Variants in BAZ2B observed in about 807,000 individuals in gnomAD.
BAZ2B encodes the protein bromodomain adjacent to zinc finger domain protein 2B.
BAZ2B carries 91 observed loss-of-function variants against 246.0 expected under a neutral mutation model. The ratio of observed to expected loss-of-function variants is 0.37; its 90% CI spans 0.31 to 0.44. BAZ2B has a LOEUF of 0.44. Ranked by LOEUF, BAZ2B falls within the 20% of genes least tolerant of loss-of-function variation. The pLI, the probability that BAZ2B is intolerant of heterozygous loss-of-function variation, is 1.00. For synonymous variants in BAZ2B, 855 were observed against 860.0 expected (o/e 0.99, Z 0.10); for missense variants, 2,332 against 2,533.7 (o/e 0.92, Z 1.71).
chr2:159,361,814 A>T (rs1485646477), intron 27 of BAZ2B, among the ~76,000 whole-genome samples: 2 of 152,178 alleles, frequency 1.3e-5, no homozygotes, highest in Non-Finnish European at 2.9e-5. Flanking sequence ...AGGGACATGG[A>T]TGAAGCTGGA....
chr2:159,645,393 A>C, the BAZ2B span, among the ~76,000 whole-genome samples: 1 of 152,114 alleles, frequency 6.6e-6, no homozygotes, highest in Non-Finnish European at 1.5e-5. Context: ...TTTCCCACAG[A>C]TGGAGCAAGG....
At chr2:159,609,670 T>G (rs1010334510) in intron 1 of BAZ2B, among the ~76,000 whole-genome samples, 3 of 152,154 alleles carry the variant, frequency 2.0e-5, no homozygotes, top group African/African-American at 7.2e-5. Flanking sequence ...CTTGTTTCCT[T>G]CAAAGCTTCT....
At chr2:159,415,021 G>A (rs958932466) in intron 13 of BAZ2B, among the ~76,000 whole-genome samples, 1 of 152,092 alleles carries the variant, frequency 6.6e-6, no homozygotes, top group Non-Finnish European at 1.5e-5. Flanking sequence ...ATGTAAAACA[G>A]TATTGGTCAA....
intron 1 of BAZ2B, among the ~76,000 whole-genome samples, chr2:159,603,688 C>T (rs1402681005): frequency 6.6e-6 from 1 of 151,714 alleles, no homozygotes; most frequent in Admixed American, 6.6e-5. Context: ...AAAAACAAAA[C>T]CCCAAAACTA....
intron 13 of BAZ2B, among the ~76,000 whole-genome samples, chr2:159,420,967 T>C (rs2068641098): frequency 6.6e-6 from 1 of 152,190 alleles, no homozygotes; most frequent in African/African-American, 2.4e-5. Context: ...TAGGCTTATA[T>C]AGAGTATTAC....
rs2076520176 is a variant in BAZ2B at position 159,462,435 on chromosome 2, T to C, written c.146-8634A>G. On this transcript the variant is annotated intron_variant, in intron 3 of 36. Coordinates refer to ENST00000392783, the MANE Select transcript of BAZ2B (RefSeq NM_013450.4). ...CTTTGCTAATGTTGTAGCTGAGTAA[T>C]CTTGTTCCAGTCAATTTTGGTGCGG... The C allele has an allele frequency of 4.1e-6, 5 of 1,229,034 alleles. No homozygotes were observed. The Admixed American group carries it at 8.4e-5, about 21-fold the overall frequency. The allele number at this position is 1,229,034 out of a possible 1,614,324, so 76.1% of individuals were successfully genotyped here.
chr2:159,446,965 C>A lies in BAZ2B; in HGVS notation c.513G>T (p.Gly171=). The change falls in exon 6 of 37, where the codon GGG becomes GGT. Residue 171 remains glycine, a synonymous_variant. Coordinates refer to ENST00000392783, the MANE Select transcript of BAZ2B (RefSeq NM_013450.4). ...ATGATGTATTACTTCCATTTATTGA[C>A]CCATTTACACCTTGAAAATAAAAAT... ...NRNGPEKGVN[G]SINGSNTSSV... 6.5e-7 allele frequency: 1 copy of A among 1,549,948 alleles called. No individual in the cohort carries two copies. Among genetic ancestry groups the A allele is most frequent in the South Asian group, 1.2e-5 (1 of 81,146 alleles).
At chr2:159,683,122 T>G in the BAZ2B span, among the ~76,000 whole-genome samples, 2 of 152,222 alleles carry the variant, frequency 1.3e-5, no homozygotes, top group East Asian at 3.8e-4. Flanking sequence ...TAGGCTTTCC[T>G]TGGGCTGTCC....
At chr2:159,425,493 T>C (rs1489990274) in intron 13 of BAZ2B, among the ~76,000 whole-genome samples, 2 of 152,184 alleles carry the variant, frequency 1.3e-5, no homozygotes, top group Non-Finnish European at 2.9e-5. Context: ...TTTTTCACAT[T>C]ATATACATAA....
At chr2:159,670,966 T>C in the BAZ2B span, among the ~76,000 whole-genome samples, 1 of 152,246 alleles carries the variant, frequency 6.6e-6, no homozygotes, top group South Asian at 2.1e-4. Context: ...CTGGCCTCTA[T>C]GTTTCCTGAC....
intron 33 of BAZ2B, 147 bp from the exon 34 acceptor site, chr2:159,332,833 ATCTT>A: frequency 8.9e-6 from 8 of 900,850 alleles, no homozygotes; most frequent in Non-Finnish European, 1.3e-5. Flanking sequence ...ACATCTATGT[ATCTT>A]TCGTTACACA....
intron 3 of BAZ2B, among the ~76,000 whole-genome samples, chr2:159,474,235 G>C (rs369403530): frequency 2.6e-5 from 4 of 152,082 alleles, no homozygotes; most frequent in African/African-American, 9.7e-5. Context: ...ATAAATGTGG[G>C]TGCGCCTGTA....
At chr2:159,631,214 A>T in the BAZ2B span, among the ~76,000 whole-genome samples, 1 of 152,160 alleles carries the variant, frequency 6.6e-6, no homozygotes, top group Admixed American at 6.5e-5. Flanking sequence ...TGAATAAATA[A>T]ATAAAAAGAA....
chr2:159,703,269 T>TC, the BAZ2B span, among the ~76,000 whole-genome samples: 5 of 150,908 alleles, frequency 3.3e-5, no homozygotes, highest in Admixed American at 6.6e-5. Context: ...TGTTATTTTT[T>TC]TTTTAGTAGA....
chr2:159,639,584 T>C, the BAZ2B span, among the ~76,000 whole-genome samples: 1 of 152,168 alleles, frequency 6.6e-6, no homozygotes, highest in Non-Finnish European at 1.5e-5. Flanking sequence ...TCTCTCATAT[T>C]TGTTTGTTTA....
At chr2:159,354,115 TGTATTA>T (rs1040236145) in intron 27 of BAZ2B, among the ~76,000 whole-genome samples, 2 of 152,192 alleles carry the variant, frequency 1.3e-5, no homozygotes, top group Non-Finnish European at 2.9e-5. Flanking sequence ...CTTTAGATAA[TGTATTA>T]GTTAGTAGTG....
chr2:159,676,955 TATATATATATATATATA>T, the BAZ2B span, among the ~76,000 whole-genome samples: 1,174 of 25,836 alleles, frequency 0.045, 27 homozygotes, highest in African/African-American at 0.071. Context: ...AGTTTTGTTA[TATATATATATATATATA>T]TATATATATA....
At chr2:159,643,504 T>C in the BAZ2B span, among the ~76,000 whole-genome samples, 1 of 152,054 alleles carries the variant, frequency 6.6e-6, no homozygotes, top group Non-Finnish European at 1.5e-5. Context: ...TTTCAGAGGA[T>C]CTAAATATTC....
intron 1 of BAZ2B, among the ~76,000 whole-genome samples, chr2:159,567,111 T>G (rs1382673354): frequency 1.3e-5 from 2 of 151,962 alleles, no homozygotes; most frequent in African/African-American, 4.8e-5. Context: ...GGCATGGTGG[T>G]GTGCACCCGT....
Sources: allele counts gnomAD v4.1 joint callset (sites outside exome capture counted in the v4.1 genomes callset), GRCh38; gene constraint gnomAD v4.1.1; transcripts MANE v1.5; gene names NCBI Gene and HGNC (gene_info 2026-07-23, HGNC 2026-07-21).